RALYL: variants seen among roughly 807,000 people sequenced by gnomAD.
RALYL encodes RNA-binding Raly-like protein.
In RALYL, 29 loss-of-function variants were observed where a neutral mutation model predicts 35.1. The observed-to-expected ratio is 0.83, with a 90% CI of 0.61 to 1.13. The LOEUF (loss-of-function observed/expected upper bound fraction) is 1.13, where lower values mean the gene tolerates loss of function less well. Among genes scored for constraint, RALYL ranks in the 50% most tolerant of loss-of-function variants. The pLI is 0.00. For missense variants in RALYL, 359 were observed against 360.4 expected (o/e 1.00, Z 0.03); for synonymous variants, 120 against 127.6 (o/e 0.94, Z 0.40).
chr8:84,187,659 G>A (rs1210864571), intron 1 of RALYL, among the ~76,000 whole-genome samples: 1 of 151,990 alleles, frequency 6.6e-6, no homozygotes, highest in Non-Finnish European at 1.5e-5. Flanking sequence ...AATAAATGAT[G>A]CCTTAAGAAT....
chr8:84,368,154 C>T (rs73296894), intron 1 of RALYL, among the ~76,000 whole-genome samples: 6,957 of 152,052 alleles, frequency 0.046, 213 homozygotes, highest in African/African-American at 0.077. Flanking sequence ...AACTGAAAAA[C>T]GAAATAAGTC....
chr8:84,532,239 GT>G (rs886908493), intron 2 of RALYL, among the ~76,000 whole-genome samples: 8 of 151,758 alleles, frequency 5.3e-5, no homozygotes, highest in Non-Finnish European at 1.2e-4. Context: ...TTGTTTGTTT[GT>G]TTTTTACTAT....
chr8:84,622,334 T>C (rs1412793451), intron 2 of RALYL, among the ~76,000 whole-genome samples: 2 of 150,734 alleles, frequency 1.3e-5, no homozygotes, highest in African/African-American at 4.9e-5. Context: ...GTTTGCTTTA[T>C]TGGTAATGTT....
intron 1 of RALYL, among the ~76,000 whole-genome samples, chr8:84,425,276 G>A (rs1226638625): frequency 1.3e-5 from 2 of 152,248 alleles, no homozygotes; most frequent in East Asian, 3.9e-4. Context: ...AAGCCGGTCT[G>A]AAAAGCGCAA....
chr8:84,434,203 T>C (rs933929796), intron 1 of RALYL, among the ~76,000 whole-genome samples: 1 of 152,060 alleles, frequency 6.6e-6, no homozygotes, highest in African/African-American at 2.4e-5. Flanking sequence ...TGTCCTCATC[T>C]CTACTTTTTA....
chr8:84,529,591 A>G lies in RALYL; in HGVS notation c.256+14A>G, dbSNP rs751290099. 2 of 1,600,006 alleles carry G rather than the reference A, an allele frequency of 1.3e-6. No individual in the cohort carries two copies. The highest frequency in any genetic ancestry group is 1.7e-6 in the Non-Finnish European group (2 of 1,169,276). ...GCCAACCACTTGGTAAGTCATGCTCAGACATGGATCTCACGTTATTGTTCA... is the reference window on the plus strand; with the variant it reads ...GCCAACCACTTGGTAAGTCATGCTCGGACATGGATCTCACGTTATTGTTCA... On this transcript the variant is annotated intron_variant, in intron 2 of 8. Coordinates refer to ENST00000521268, the MANE Select transcript of RALYL (RefSeq NM_173848.7).
intron 4 of RALYL, among the ~76,000 whole-genome samples, chr8:84,848,058 A>C (rs1835025206): frequency 6.6e-6 from 1 of 152,234 alleles, no homozygotes; most frequent in Admixed American, 6.5e-5. Flanking sequence ...TGTTAAATTT[A>C]TTTGGAAATA....
chr8:84,453,979 A>C (rs1340878280), intron 1 of RALYL, among the ~76,000 whole-genome samples: 1 of 152,090 alleles, frequency 6.6e-6, no homozygotes, highest in Non-Finnish European at 1.5e-5. Flanking sequence ...AGGTGGGCAG[A>C]TTTTATCATT....
chr8:84,626,705 C>T (rs1051810924), intron 2 of RALYL, among the ~76,000 whole-genome samples: 10 of 152,118 alleles, frequency 6.6e-5, no homozygotes, highest in African/African-American at 9.7e-5. Flanking sequence ...ACTTGAGAAA[C>T]TTTGTTAAGT....
chr8:84,195,328 T>A (rs1396662387), intron 1 of RALYL, among the ~76,000 whole-genome samples: 1 of 152,100 alleles, frequency 6.6e-6, no homozygotes, highest in Non-Finnish European at 1.5e-5. Context: ...TAGTCCCAGC[T>A]ACTCAGGAGG....
At chr8:84,882,224 T>A (rs1842277306) in intron 7 of RALYL, among the ~76,000 whole-genome samples, 1 of 151,958 alleles carries the variant, frequency 6.6e-6, no homozygotes, top group African/African-American at 2.4e-5. Flanking sequence ...CATTTCTCTT[T>A]TCACAAAAGA....
In RALYL at chr8:84,460,701, C is replaced by T. The variant is rs150512123; in HGVS notation, c.-23-68598C>T. On this transcript the variant is annotated intron_variant, in intron 1 of 8. Coordinates refer to ENST00000521268, the MANE Select transcript of RALYL (RefSeq NM_173848.7). ...AGTTGCTGATGAGAAGTTGGAGGGT[C>T]GGGGAACAAAAGTGGAAAAAGAACT... is the stretch of plus-strand genomic sequence containing the variant. 2.9e-3 allele frequency among the ~76,000 whole-genome samples: 442 copies of T among 151,388 alleles called. 2 individuals carry two copies. Among genetic ancestry groups the T allele is most frequent in the African/African-American group, 0.01 (425 of 41,362 alleles).
intron 3 of RALYL, among the ~76,000 whole-genome samples, chr8:84,780,887 T>C (rs984229740): frequency 6.6e-6 from 1 of 152,188 alleles, no homozygotes; most frequent in African/African-American, 2.4e-5. Flanking sequence ...AGACAGGGTC[T>C]CGCTTCATCA....
At position 84,431,931 on chromosome 8, in the gene RALYL, A is replaced by C. The variant is rs571200819; in HGVS notation, c.-23-97368A>C. Among the ~76,000 whole-genome samples, 46 of 152,280 alleles carry C rather than the reference A, an allele frequency of 3.0e-4. No homozygotes were observed. In the South Asian group the frequency reaches 9.5e-3, roughly 32 times the overall value. The stretch of plus-strand genomic sequence containing the variant: ...AGTGGGGGGATTGCTGGATAATAAG[A>C]AAACAAGCATTGGTAAGAATGTGGA... On this transcript the variant is annotated intron_variant, in intron 1 of 8. Coordinates refer to ENST00000521268, the MANE Select transcript of RALYL (RefSeq NM_173848.7).
intron 1 of RALYL, among the ~76,000 whole-genome samples, chr8:84,199,789 G>A (rs1029675983): frequency 3.9e-5 from 6 of 152,092 alleles, no homozygotes; most frequent in Non-Finnish European, 7.4e-5. Context: ...CACCTTTGTC[G>A]AAAATGCGTT....
At chr8:84,367,214 C>A (rs1426802348) in intron 1 of RALYL, among the ~76,000 whole-genome samples, 1 of 148,536 alleles carries the variant, frequency 6.7e-6, no homozygotes, top group South Asian at 2.1e-4. Context: ...CCGCTCACTG[C>A]AACCTCTGCC....
intron 5 of RALYL, among the ~76,000 whole-genome samples, chr8:84,852,916 A>C (rs1297034282): frequency 6.6e-6 from 1 of 152,188 alleles, no homozygotes; most frequent in Non-Finnish European, 1.5e-5. Context: ...AACAACAACA[A>C]CAAAAACCAT....
intron 1 of RALYL, among the ~76,000 whole-genome samples, chr8:84,323,799 G>A (rs1491560): frequency 0.011 from 1,730 of 152,084 alleles, 35 homozygotes; most frequent in Admixed American, 0.06. Context: ...GATCAAACAA[G>A]TATTTTGTCA....
At chr8:84,906,963 G>A (rs1330159675) in intron 8 of RALYL, 1 of 985,120 alleles carries the variant, frequency 1.0e-6, no homozygotes, top group Admixed American at 6.2e-5. Context: ...AAGCTCCGGG[G>A]TTGCCTGCTC....
Sources: allele counts gnomAD v4.1 joint callset (sites outside exome capture counted in the v4.1 genomes callset), GRCh38; gene constraint gnomAD v4.1.1; transcripts MANE v1.5; gene names NCBI Gene and HGNC (gene_info 2026-07-23, HGNC 2026-07-21).